Variants in CHD9 observed in about 807,000 individuals in gnomAD.
CHD9 encodes chromodomain helicase DNA binding protein 9.
Under a neutral mutation model 316.1 loss-of-function variants are expected in CHD9, and 77 were observed. The ratio of observed to expected loss-of-function variants is 0.24; its 90% CI spans 0.20 to 0.29. CHD9 has a LOEUF of 0.29. Among genes scored for constraint, CHD9 ranks in the 10% least tolerant of loss-of-function variants. CHD9 has a pLI of 1.00. For missense variants in CHD9, 2,763 were observed against 3,438.1 expected (o/e 0.80, Z 4.91); for synonymous variants, 1,129 against 1,158.3 (o/e 0.97, Z 0.51).
intron 1 of CHD9, among the ~76,000 whole-genome samples, chr16:53,087,100 T>C (rs371115119): frequency 1.3e-5 from 2 of 152,184 alleles, no homozygotes; most frequent in African/African-American, 4.8e-5. Flanking sequence ...GAGATGTATT[T>C]GCATTTTATC....
chr16:53,324,513 C>T lies in CHD9; in HGVS notation c.8312C>T (p.Ser2771Leu). The T allele has an allele frequency of 6.2e-7, 1 of 1,613,896 alleles. No individual in the cohort carries two copies. Among genetic ancestry groups the T allele is most frequent in the Admixed American group, 1.7e-5 (1 of 59,994 alleles). ...GAGAATGGTGGAGAAAACTCTGTGTCAAGTTCTCCTTCCACATCCTCTACT... is the reference window on the plus strand; with the variant it reads ...GAGAATGGTGGAGAAAACTCTGTGTTAAGTTCTCCTTCCACATCCTCTACT... Reference protein sequence around the residue: ...SSENGGENSVSSSPSTSSTAA... With the variant: ...SSENGGENSVLSSPSTSSTAA... The change falls in exon 39 of 39, where the codon TCA becomes TTA. Residue 2771 changes from serine to leucine, a missense_variant. Around this residue, in one of 15 missense-constraint regions of CHD9, gnomAD observed 298 missense variants for 380.2 expected, o/e 0.78. Transcript: ENST00000447540.
At chr16:53,056,496 G>T (rs1224171307) in intron 1 of CHD9, among the ~76,000 whole-genome samples, 1 of 152,220 alleles carries the variant, frequency 6.6e-6, no homozygotes, top group Non-Finnish European at 1.5e-5. Context: ...GGCTCAGAGA[G>T]GCCAATGATC....
intron 38 of CHD9, among the ~76,000 whole-genome samples, chr16:53,323,015 G>A (rs1326611417): frequency 6.6e-6 from 1 of 152,082 alleles, no homozygotes. Context: ...AACAATAGTC[G>A]AATGAGTCTT....
chr16:53,150,647 A>G (rs1156690289), intron 1 of CHD9, among the ~76,000 whole-genome samples: 8 of 152,076 alleles, frequency 5.3e-5, no homozygotes, highest in African/African-American at 1.9e-4. Flanking sequence ...TCCCTTAATC[A>G]TGTCTTTTAG....
At chr16:53,235,411 C>A in intron 11 of CHD9, 105 bp downstream of exon 11, 1 of 790,812 alleles carries the variant, frequency 1.3e-6, no homozygotes, top group Non-Finnish European at 1.8e-6. Flanking sequence ...GTTTTGAAGT[C>A]TTCATTATTT....
chr16:53,298,078 A>G (rs1173817053), intron 30 of CHD9: 1 of 152,230 alleles, frequency 6.6e-6, no homozygotes, highest in African/African-American at 2.4e-5. Context: ...TTTTGATTCT[A>G]GTTTTAAAAG....
intron 3 of CHD9, among the ~76,000 whole-genome samples, chr16:53,222,341 G>T (rs144205297): frequency 5.3e-4 from 80 of 152,224 alleles, no homozygotes; most frequent in East Asian, 2.3e-3. Flanking sequence ...CAAAGCACTG[G>T]GATTACAGGC....
intron 17 of CHD9, among the ~76,000 whole-genome samples, chr16:53,251,188 T>C (rs2050098385): frequency 6.6e-6 from 1 of 152,136 alleles, no homozygotes; most frequent in South Asian, 2.1e-4. Flanking sequence ...TTTAAAAAGG[T>C]AAAAAAGCCA....
intron 34 of CHD9, 138 bp downstream of exon 34, chr16:53,308,992 T>G (rs1185780270): frequency 6.3e-6 from 4 of 637,284 alleles, no homozygotes; most frequent in Non-Finnish European, 9.9e-6. Flanking sequence ...CAATAGAATT[T>G]TAAATCTTAA....
At chr16:53,231,920 A>T in intron 10 of CHD9, 136 bp downstream of exon 10, 1 of 818,324 alleles carries the variant, frequency 1.2e-6, no homozygotes, top group Non-Finnish European at 1.8e-6. Context: ...TAGTTTTGGG[A>T]GCCAAAGCTT....
In CHD9 at chr16:53,286,257, C is replaced by T. The variant is rs370374123; in HGVS notation, c.5103C>T (p.Asp1701=). The T allele has an allele frequency of 1.1e-5, 18 of 1,611,666 alleles. No individual in the cohort carries two copies. In the East Asian group the frequency reaches 1.6e-4, roughly 14 times the overall value. ...GYEKYNTIRA[D]PALCFLERVG... Reference sequence around the variant, plus strand: ...AAAAATATAACACTATTCGAGCAGACCCAGCATTATGCTTCTTGGAAAGAG... The same window carrying T: ...AAAAATATAACACTATTCGAGCAGATCCAGCATTATGCTTCTTGGAAAGAG... Residue 1701 remains aspartate (D), a synonymous_variant, in exon 26 of 39, where the codon GAC becomes GAT. Coordinates refer to ENST00000447540, the MANE Select transcript of CHD9 (RefSeq NM_001308319.2).
intron 12 of CHD9, among the ~76,000 whole-genome samples, chr16:53,239,941 A>G (rs1276089907): frequency 1.3e-5 from 2 of 152,206 alleles, no homozygotes; most frequent in African/African-American, 4.8e-5. Context: ...GTATAAATGT[A>G]ATTGTTTCAA....
intron 1 of CHD9, among the ~76,000 whole-genome samples, chr16:53,062,248 T>C (rs933628397): frequency 6.6e-6 from 1 of 152,264 alleles, no homozygotes; most frequent in African/African-American, 2.4e-5. Context: ...ACAGTAAGTG[T>C]GACCATTTAA....
intron 1 of CHD9, among the ~76,000 whole-genome samples, chr16:53,145,282 G>T (rs2040478003): frequency 6.6e-6 from 1 of 151,684 alleles, no homozygotes; most frequent in Non-Finnish European, 1.5e-5. Flanking sequence ...CTCCCAAATA[G>T]CTGGGATTAC....
chr16:53,287,919 C>T, intron 26 of CHD9, 38 bp from the exon 27 acceptor site: 1 of 1,489,288 alleles, frequency 6.7e-7, no homozygotes, highest in Non-Finnish European at 9.4e-7. Context: ...ATCTTAAGTC[C>T]ATTACAGTAA....
chr16:53,252,636 T>G (rs1292877364), intron 17 of CHD9, among the ~76,000 whole-genome samples: 1 of 150,210 alleles, frequency 6.7e-6, no homozygotes, highest in Non-Finnish European at 1.5e-5. Context: ...GAGAAAATCT[T>G]CACAATCTGT....
intron 10 of CHD9, among the ~76,000 whole-genome samples, chr16:53,232,467 T>A (rs72799608): frequency 6.2e-4 from 95 of 152,310 alleles, no homozygotes; most frequent in Non-Finnish European, 1.1e-3. Context: ...ATAGAATTAA[T>A]CCCCTTAATT....
chr16:53,276,234 G>A (rs558645344), intron 24 of CHD9, among the ~76,000 whole-genome samples: 10 of 152,196 alleles, frequency 6.6e-5, no homozygotes, highest in African/African-American at 1.9e-4. Flanking sequence ...CCTCAACTCA[G>A]GTTAATCTCA....
At chr16:53,321,239 G>A (rs2057255288) in intron 37 of CHD9, 1 of 1,336,704 alleles carries the variant, frequency 7.5e-7, no homozygotes, top group Non-Finnish European at 9.8e-7. Context: ...TCTAGAGGGT[G>A]TACTTTTAAC....
Sources: allele counts gnomAD v4.1 joint callset (sites outside exome capture counted in the v4.1 genomes callset), GRCh38; gene constraint gnomAD v4.1.1; regional missense constraint gnomAD v4.1.1; transcripts MANE v1.5; gene names NCBI Gene and HGNC (gene_info 2026-07-23, HGNC 2026-07-21).